SNX29: variants seen among roughly 807,000 people sequenced by gnomAD.
The protein encoded by SNX29 is sorting nexin-29.
A neutral mutation model predicts 102.1 loss-of-function variants in SNX29; 78 were observed. The observed-to-expected ratio is 0.76, with a 90% CI of 0.64 to 0.92. SNX29 has a LOEUF of 0.92. SNX29 is among the 40% of genes least tolerant of loss of function. The pLI, the probability that SNX29 is intolerant of heterozygous loss-of-function variation, is 0.00. For missense variants in SNX29, 1,280 were observed against 1,061.7 expected, an observed-to-expected ratio of 1.21 and a Z score of -2.86; for synonymous variants, 580 against 414.5, an observed-to-expected ratio of 1.40 and a Z score of -4.85.
intron 13 of SNX29, among the ~76,000 whole-genome samples, chr16:12,152,501 A>T (rs148458585): frequency 6.6e-6 from 1 of 152,184 alleles, no homozygotes; most frequent in Non-Finnish European, 1.5e-5. Context: ...ACCCTGCCCT[A>T]TCTTAGCTCT....
intron 11 of SNX29, chr16:12,081,485 G>A (rs1015832980): frequency 1.3e-5 from 2 of 152,064 alleles, no homozygotes; most frequent in Admixed American, 1.3e-4. Context: ...ACTCAGTGAT[G>A]ACTGCTTGAC....
intron 3 of SNX29, among the ~76,000 whole-genome samples, chr16:12,024,187 G>A (rs539950742): frequency 5.9e-5 from 9 of 151,888 alleles, no homozygotes; most frequent in Admixed American, 2.6e-4. Context: ...TGCCCAGGCA[G>A]GAATATAATG....
chr16:12,325,966 G>T (rs2081102184), intron 15 of SNX29, among the ~76,000 whole-genome samples: 1 of 151,966 alleles, frequency 6.6e-6, no homozygotes, highest in South Asian at 2.1e-4. Context: ...GGAGGTCGAG[G>T]TTGCAGTGAG....
chr16:12,573,249 C>T lies in SNX29; in HGVS notation c.*4620C>T, dbSNP rs1048439192. The T allele has an allele frequency of 8.8e-5, 20 of 226,962 alleles. No homozygotes were observed. The highest frequency in any genetic ancestry group is 1.9e-4 in the East Asian group (3 of 15,672). The allele number at this position is 226,962 out of a possible 1,614,324, so 14.1% of individuals were successfully genotyped here. Reference sequence around the variant, plus strand: ...ATCCCATGGTTGTTGAAATGTACCTCGATCAGTCATCTCTGGTATTCCTCA... The same window carrying T: ...ATCCCATGGTTGTTGAAATGTACCTTGATCAGTCATCTCTGGTATTCCTCA... On this transcript the variant is annotated 3_prime_UTR_variant, in exon 21 of 21. Transcript: ENST00000566228.
At chr16:12,558,081 C>T (rs1428217466) in intron 20 of SNX29, among the ~76,000 whole-genome samples, 2 of 152,208 alleles carry the variant, frequency 1.3e-5, no homozygotes, top group South Asian at 2.1e-4. Context: ...CTGAACATCC[C>T]ATGCAAAGTG....
intron 11 of SNX29, among the ~76,000 whole-genome samples, chr16:12,091,751 T>C (rs181152): frequency 0.41 from 51,651 of 127,024 alleles, 9,725 homozygotes; most frequent in East Asian, 0.75. Flanking sequence ...CACTCCAGCC[T>C]GGGCAACAGA....
chr16:12,383,581 C>T (rs1046492533), intron 16 of SNX29, among the ~76,000 whole-genome samples: 7 of 151,784 alleles, frequency 4.6e-5, no homozygotes, highest in Admixed American at 1.3e-4. Context: ...GGATTACAGG[C>T]GCCCACCACC....
intron 20 of SNX29, among the ~76,000 whole-genome samples, chr16:12,530,586 G>A (rs191282214): frequency 1.3e-5 from 2 of 150,930 alleles, no homozygotes; most frequent in African/African-American, 4.9e-5. Flanking sequence ...GAACAGTTGC[G>A]CTCTTGTCGC....
chr16:12,173,283 A>G (rs1477346286), intron 13 of SNX29, among the ~76,000 whole-genome samples: 1 of 152,166 alleles, frequency 6.6e-6, no homozygotes, highest in Non-Finnish European at 1.5e-5. Context: ...ACATTCGTGG[A>G]GCAATGTTAT....
At chr16:12,514,084 G>T (rs1210544045) in intron 19 of SNX29, among the ~76,000 whole-genome samples, 1 of 152,164 alleles carries the variant, frequency 6.6e-6, no homozygotes, top group Admixed American at 6.5e-5. Context: ...GGCAGGATTG[G>T]GCCTGTGGTT....
At chr16:12,333,259 C>A (rs533393581) in intron 15 of SNX29, among the ~76,000 whole-genome samples, 1 of 152,038 alleles carries the variant, frequency 6.6e-6, no homozygotes, top group East Asian at 1.9e-4. Context: ...GTGCGTGCCA[C>A]CATGCCCGGC....
chr16:12,073,567 T>C (rs1045032151), intron 10 of SNX29, among the ~76,000 whole-genome samples: 4 of 152,252 alleles, frequency 2.6e-5, no homozygotes, highest in Admixed American at 2.0e-4. Flanking sequence ...TTACATTTGC[T>C]GAGGAGAGCT....
chr16:12,572,764 C>G lies in SNX29; in HGVS notation c.*4135C>G. On this transcript the variant is annotated 3_prime_UTR_variant, in exon 21 of 21. Coordinates refer to ENST00000566228, the MANE Select transcript of SNX29 (RefSeq NM_032167.5). Reference sequence around the variant, plus strand: ...GGCTGGGTTTTCAGCTTCTGGGACCCGAGGAAGACCCCACCTCACTCCTCC... The same window carrying G: ...GGCTGGGTTTTCAGCTTCTGGGACCGGAGGAAGACCCCACCTCACTCCTCC... The G allele has an allele frequency of 9.4e-7, 1 of 1,063,806 alleles. No individual in the cohort carries two copies. The highest frequency in any genetic ancestry group is 5.0e-5 in the East Asian group (1 of 19,860). 65.9% of individuals were successfully genotyped at this position (1,063,806 alleles called of 1,614,324 possible).
rs1596907610 is a variant in SNX29 at position 12,323,136 on chromosome 16, C to T, written c.1783-33027C>T. ...TGTCAGGATGTGGTCACTGGAGTCA[C>T]TGGGGACCACTGTCAGGATGTGGTC... On this transcript the variant is annotated intron_variant, in intron 15 of 20. Coordinates refer to ENST00000566228, the MANE Select transcript of SNX29 (RefSeq NM_032167.5). Among the ~76,000 whole-genome samples the T allele has an allele frequency of 2.7e-5, 4 of 150,882 alleles. No homozygotes were observed. The East Asian group carries it at 7.9e-4, about 30-fold the overall frequency.
rs142674026 is a variant in SNX29, at chr16:12,562,296, C to T, written c.2319-6210C>T. ...GGCCACGCTCTATCCCAGCATCAAA[C>T]GTTATCGTTGGCTTTGTCCCAAGAA... On this transcript the variant is annotated intron_variant, in intron 20 of 20. Coordinates refer to ENST00000566228, the MANE Select transcript of SNX29 (RefSeq NM_032167.5). 1.8e-4 allele frequency among the ~76,000 whole-genome samples: 28 copies of T among 152,282 alleles called. No individual in the cohort carries two copies. In the East Asian group the frequency reaches 3.9e-3, roughly 21 times the overall value.
rs531327554 is a variant in SNX29 at position 12,326,908 on chromosome 16, C to G, written c.1783-29255C>G. Among the ~76,000 whole-genome samples, 12 of 152,180 alleles carry G rather than the reference C, an allele frequency of 7.9e-5. 1 individual carries two copies. In the South Asian group the frequency reaches 2.5e-3, roughly 32 times the overall value. On this transcript the variant is annotated intron_variant, in intron 15 of 20. Coordinates refer to ENST00000566228, the MANE Select transcript of SNX29 (RefSeq NM_032167.5). Reference sequence around the variant, plus strand: ...CTTTTTATTACTGTGGGCCAAGGTCCGAGGCATTTGGGAAAGACTGGATTA... The same window carrying G: ...CTTTTTATTACTGTGGGCCAAGGTCGGAGGCATTTGGGAAAGACTGGATTA...
Position 12,040,335 on chromosome 16 carries a change from T to G in SNX29, c.248-2562T>G, listed in dbSNP as rs2049829622. Among the ~76,000 whole-genome samples, 7 of 152,304 alleles carry G rather than the reference T, an allele frequency of 4.6e-5. No individual in the cohort carries two copies. The South Asian group carries it at 1.5e-3, about 32-fold the overall frequency. ...TGAGGCTGCAGTGAGCTGTCCAGCC[T>G]GGGTGACAGAGGGAGAGGCCCTGTC... On this transcript the variant is annotated intron_variant, in intron 4 of 20. Transcript: ENST00000566228.
chr16:12,487,811 C>T (rs1219646038), intron 19 of SNX29, among the ~76,000 whole-genome samples: 1 of 152,176 alleles, frequency 6.6e-6, no homozygotes, highest in Admixed American at 6.5e-5. Context: ...GCCATAAACT[C>T]AAGCCTGTGT....
intron 16 of SNX29, among the ~76,000 whole-genome samples, chr16:12,357,240 G>A (rs2082161057): frequency 1.3e-5 from 2 of 152,188 alleles, no homozygotes; most frequent in South Asian, 4.2e-4. Context: ...GGCCAATTGT[G>A]TTTCAGGTTA....
Sources: gnomAD v4.1 joint callset for allele counts (sites outside exome capture counted in the v4.1 genomes callset) on GRCh38, gnomAD v4.1.1 for gene constraint, MANE v1.5 for transcripts, NCBI Gene and HGNC (gene_info 2026-07-23, HGNC 2026-07-21) for gene names.